CCDC171: variants seen among roughly 807,000 people sequenced by gnomAD.
CCDC171 encodes coiled-coil domain containing 171, also known as coiled-coil domain-containing protein 171.
CCDC171 carries 177 observed loss-of-function variants against 168.2 expected under a neutral mutation model. The ratio of observed to expected loss-of-function variants is 1.05; its 90% CI spans 0.93 to 1.19. CCDC171 has a LOEUF of 1.19. Among genes scored for constraint, CCDC171 ranks in the 50% most tolerant of loss-of-function variants. The pLI is 0.00. For synonymous variants in CCDC171, 687 were observed against 540.8 expected, an observed-to-expected ratio of 1.27 and a Z score of -3.75; for missense variants, 1,991 against 1,539.0, an observed-to-expected ratio of 1.29 and a Z score of -4.91.
intron 3 of CCDC171, among the ~76,000 whole-genome samples, chr9:16,016,544 A>G (rs1833024356): frequency 6.6e-6 from 1 of 152,252 alleles, no homozygotes; most frequent in South Asian, 2.1e-4. Flanking sequence ...CAACTCCCGA[A>G]ATGCTTTGGT....
intron 18 of CCDC171, among the ~76,000 whole-genome samples, chr9:15,763,403 C>T (rs2056555491): frequency 6.6e-6 from 1 of 152,122 alleles, no homozygotes; most frequent in African/African-American, 2.4e-5. Context: ...GGGGTGATAT[C>T]ATATGATTCA....
downstream of CCDC171, among the ~76,000 whole-genome samples, chr9:16,064,026 CA>C (rs1833965126): frequency 6.6e-6 from 1 of 152,176 alleles, no homozygotes; most frequent in Non-Finnish European, 1.5e-5. Flanking sequence ...ATCCTTTTTC[CA>C]CAGTGAAAAA....
chr9:15,838,135 T>C (rs1037117260), intron 21 of CCDC171, among the ~76,000 whole-genome samples: 1 of 152,176 alleles, frequency 6.6e-6, no homozygotes, highest in Non-Finnish European at 1.5e-5. Flanking sequence ...AAATAGAAAA[T>C]ATATGGCTAG....
At chr9:15,870,032 T>G (rs1053738539) in intron 23 of CCDC171, among the ~76,000 whole-genome samples, 1 of 151,706 alleles carries the variant, frequency 6.6e-6, no homozygotes, top group Non-Finnish European at 1.5e-5. Flanking sequence ...ATGGTCTTTG[T>G]CTCAACTACT....
Position 15,571,143 on chromosome 9 carries a change from G to T in CCDC171, c.42-481G>T, listed in dbSNP as rs372400185. On this transcript the variant is annotated intron_variant, in intron 2 of 25. Coordinates refer to ENST00000380701, the MANE Select transcript of CCDC171 (RefSeq NM_173550.4). ...ATTGGTTGCTATTATCTCATCTTTT[G>T]TGTTCTCTCTCTTGTGAGTTTATAC... Among the ~76,000 whole-genome samples, 55 of 152,192 alleles carry T rather than the reference G, an allele frequency of 3.6e-4. 1 individual carries two copies. The South Asian group carries it at 0.011, about 32-fold the overall frequency.
At chr9:16,088,099 T>C in the CCDC171 span, among the ~76,000 whole-genome samples, 1 of 152,206 alleles carries the variant, frequency 6.6e-6, no homozygotes, top group African/African-American at 2.4e-5. Flanking sequence ...ATCCATAACA[T>C]AAACAGACCC....
chr9:15,999,191 A>G (rs1832459817), intron 3 of CCDC171, among the ~76,000 whole-genome samples: 1 of 151,470 alleles, frequency 6.6e-6, no homozygotes, highest in African/African-American at 2.4e-5. Flanking sequence ...AGCCTGGGTG[A>G]CAGAGAGAGA....
chr9:15,883,528 T>C (rs1367451173), intron 24 of CCDC171, among the ~76,000 whole-genome samples: 1 of 152,212 alleles, frequency 6.6e-6, no homozygotes, highest in African/African-American at 2.4e-5. Flanking sequence ...ATCTTACATC[T>C]TGCATCCTGG....
chr9:15,920,416 A>G lies in CCDC171; in HGVS notation c.3747A>G (p.Leu1249=). The G allele has an allele frequency of 6.2e-7, 1 of 1,603,626 alleles. No individual in the cohort carries two copies. Among genetic ancestry groups the G allele is most frequent in the South Asian group, 1.1e-5 (1 of 89,752 alleles). ...CTTGTTTACGTGAAAATGCAAGTTTACAATCAGTAAGTCCTTGTCTAACAA... is the reference window on the plus strand; with the variant it reads ...CTTGTTTACGTGAAAATGCAAGTTTGCAATCAGTAAGTCCTTGTCTAACAA... ...HTACLRENAS[L]QSIGSRDHSN... is the part of the protein sequence containing the mutation. Residue 1249 remains leucine, a synonymous_variant, in exon 25 of 26, where the codon TTA becomes TTG. Transcript: ENST00000380701.
At chr9:16,047,887 G>A (rs114261514) in intron 1 of CCDC171, among the ~76,000 whole-genome samples, 2,712 of 152,120 alleles carry the variant, frequency 0.018, 77 homozygotes, top group African/African-American at 0.061. Flanking sequence ...TGGGTGTGAG[G>A]TAAGGGGACA....
chr9:15,560,205 C>T (rs915758660), intron 1 of CCDC171, among the ~76,000 whole-genome samples: 1 of 152,008 alleles, frequency 6.6e-6, no homozygotes, highest in African/African-American at 2.4e-5. Context: ...AATTATGTGT[C>T]TTGGAGTTGC....
At chr9:15,943,305 GA>G (rs1022388356) in intron 25 of CCDC171, among the ~76,000 whole-genome samples, 11 of 151,886 alleles carry the variant, frequency 7.2e-5, no homozygotes, top group Non-Finnish European at 1.3e-4. Flanking sequence ...ATCTGTGCCA[GA>G]AAAAAACACT....
At chr9:16,059,491 CTTTTTTTTTTTTTCTTTTTT>C (rs1392495249) in intron 1 of CCDC171, among the ~76,000 whole-genome samples, 2 of 117,328 alleles carry the variant, frequency 1.7e-5, no homozygotes, top group Non-Finnish European at 3.7e-5. Flanking sequence ...GATAGCAGGT[CTTTTTTTTTTTTTCTTTTTT>C]TTTTTTTTTT....
chr9:15,633,603 G>A (rs2045939304), intron 7 of CCDC171, among the ~76,000 whole-genome samples: 1 of 152,196 alleles, frequency 6.6e-6, no homozygotes, highest in Admixed American at 6.5e-5. Flanking sequence ...AACCCTTGTG[G>A]AAGTCAGTGT....
intron 3 of CCDC171, among the ~76,000 whole-genome samples, chr9:15,996,907 A>T (rs953860926): frequency 1.3e-5 from 2 of 152,204 alleles, no homozygotes; most frequent in Admixed American, 1.3e-4. Context: ...ATCATGCATT[A>T]AGAAAGAATA....
chr9:15,927,451 C>G (rs921342101), intron 25 of CCDC171, among the ~76,000 whole-genome samples: 1 of 151,618 alleles, frequency 6.6e-6, no homozygotes, highest in East Asian at 1.9e-4. Context: ...CATAGAATGC[C>G]AAACCCAAAT....
intron 18 of CCDC171, among the ~76,000 whole-genome samples, chr9:15,757,695 T>C (rs946548909): frequency 6.6e-6 from 1 of 152,072 alleles, no homozygotes; most frequent in Non-Finnish European, 1.5e-5. Context: ...CCCAGAGTCT[T>C]AGGAGAAAAT....
the CCDC171 span, among the ~76,000 whole-genome samples, chr9:16,104,581 G>A: frequency 6.6e-6 from 1 of 152,132 alleles, no homozygotes; most frequent in Non-Finnish European, 1.5e-5. Flanking sequence ...ATTACAGGAA[G>A]ATGGACAGGG....
At chr9:15,698,002 A>G (rs1229333662) in intron 11 of CCDC171, among the ~76,000 whole-genome samples, 2 of 152,166 alleles carry the variant, frequency 1.3e-5, no homozygotes, top group African/African-American at 4.8e-5. Context: ...ATTTCTTTCT[A>G]TTGGGAACAT....
Sources: allele counts gnomAD v4.1 joint callset (sites outside exome capture counted in the v4.1 genomes callset), GRCh38; gene constraint gnomAD v4.1.1; transcripts MANE v1.5; gene names NCBI Gene and HGNC (gene_info 2026-07-23, HGNC 2026-07-21).